AGAP1: variants seen among roughly 807,000 people sequenced by gnomAD.
The protein encoded by AGAP1 is ArfGAP with GTPase domain, ankyrin repeat and PH domain 1.
In AGAP1, 29 loss-of-function variants were observed where a neutral mutation model predicts 105.3. That is an observed-to-expected ratio of 0.28 (90% CI 0.21 to 0.38). AGAP1 has a LOEUF of 0.38. Among genes scored for constraint, AGAP1 ranks in the 10% least tolerant of loss-of-function variants. AGAP1 has a pLI of 1.00. For missense variants in AGAP1, 998 were observed against 1,165.1 expected (o/e 0.86, Z 2.09); for synonymous variants, 509 against 485.9 (o/e 1.05, Z -0.63).
At chr2:235,687,679 A>G (rs1437427990) in intron 1 of AGAP1, among the ~76,000 whole-genome samples, 1 of 152,170 alleles carries the variant, frequency 6.6e-6, no homozygotes, top group African/African-American at 2.4e-5. Context: ...ATACACAGGA[A>G]TGCAGGAATG....
At position 236,083,124 on chromosome 2, in the gene AGAP1, C is replaced by A. The variant is rs1296782388; in HGVS notation, c.2114+33843C>A. On this transcript the variant is annotated intron_variant, in intron 16 of 17. Transcript: ENST00000304032. This position sits in a 1 kb window ranked among gnomAD's most constrained non-coding sequence, Gnocchi z 5.3. ...GAGCCGAGATCACGCCATTGCACTC[C>A]AGCCTAGGCAACGAGCGAAATTCCA... Among the ~76,000 whole-genome samples the A allele has an allele frequency of 6.6e-6, 1 of 152,030 alleles. No individual in the cohort carries two copies. Among genetic ancestry groups the A allele is most frequent in the African/African-American group, 2.4e-5 (1 of 41,394 alleles).
At chr2:236,018,292 G>A (rs1247171833) in intron 13 of AGAP1, among the ~76,000 whole-genome samples, 3 of 152,194 alleles carry the variant, frequency 2.0e-5, no homozygotes, top group African/African-American at 4.8e-5. Context: ...GGGAGAATAA[G>A]ATCTAAATAC....
chr2:235,666,842 C>T (rs1301645799), intron 1 of AGAP1, among the ~76,000 whole-genome samples: 2 of 152,002 alleles, frequency 1.3e-5, no homozygotes, highest in Admixed American at 6.6e-5. Context: ...TAATTATGGA[C>T]AAGCTACTTT....
Position 236,003,789 on chromosome 2 carries a change from T to G in AGAP1, c.1646-32772T>G. Among the ~76,000 whole-genome samples the G allele has an allele frequency of 6.6e-6, 1 of 152,038 alleles. No individual in the cohort carries two copies. Among genetic ancestry groups the G allele is most frequent in the East Asian group, 1.9e-4 (1 of 5,190 alleles). ...AGGGGTCACTGCTGTCCTACCACTT[T>G]TTTTTTTTTCTGGAAGTTTGCATGT... On this transcript the variant is annotated intron_variant, in intron 13 of 17. Coordinates refer to ENST00000304032, the MANE Select transcript of AGAP1 (RefSeq NM_001037131.3). The surrounding 1 kb of genome is among the most constrained non-coding windows in gnomAD (Gnocchi z 4.2).
rs2059847863 is a variant in AGAP1 at position 236,119,391 on chromosome 2, G to A, written c.2115-801G>A. ...CAAGTATCTGGAGATTCCAAAAGCT[G>A]CATCTCCCTGCTAAACCTCCTCATT... On this transcript the variant is annotated intron_variant, in intron 16 of 17. Coordinates refer to ENST00000304032, the MANE Select transcript of AGAP1 (RefSeq NM_001037131.3). This position sits in a 1 kb window ranked among gnomAD's most constrained non-coding sequence, Gnocchi z 6.6. Among the ~76,000 whole-genome samples, 1 of 152,172 alleles carries A rather than the reference G, an allele frequency of 6.6e-6. No homozygotes were observed. Among genetic ancestry groups the A allele is most frequent in the African/African-American group, 2.4e-5 (1 of 41,444 alleles).
chr2:235,511,470 G>A (rs934819178), intron 1 of AGAP1, among the ~76,000 whole-genome samples: 4 of 152,060 alleles, frequency 2.6e-5, no homozygotes, highest in African/African-American at 9.7e-5. Flanking sequence ...CTTCTCTGTG[G>A]GGATGTGACT....
chr2:236,051,918 C>T lies in AGAP1; in HGVS notation c.2114+2637C>T, dbSNP rs1047872267. Among the ~76,000 whole-genome samples the T allele has an allele frequency of 6.6e-6, 1 of 152,152 alleles. No homozygotes were observed. The highest frequency in any genetic ancestry group is 1.5e-5 in the Non-Finnish European group (1 of 68,028). On this transcript the variant is annotated intron_variant, in intron 16 of 17. Transcript: ENST00000304032. This position sits in a 1 kb window ranked among gnomAD's most constrained non-coding sequence, Gnocchi z 5.9. ...ATTCAGACTCCCACCACCTTCACCA[C>T]CTCCTGCACGTCCCCTCAATAGAAA... is the stretch of plus-strand genomic sequence containing the variant.
Position 236,119,200 on chromosome 2 carries a change from A to G in AGAP1, c.2115-992A>G, listed in dbSNP as rs1314886525. On this transcript the variant is annotated intron_variant, in intron 16 of 17. Transcript: ENST00000304032. The surrounding 1 kb of genome is among the most constrained non-coding windows in gnomAD (Gnocchi z 6.6). Reference sequence around the variant, plus strand: ...CAGGCATCAGCATCATCCACTCTCCACACCTCCGACCCCATCCACCCCCTC... The same window carrying G: ...CAGGCATCAGCATCATCCACTCTCCGCACCTCCGACCCCATCCACCCCCTC... Among the ~76,000 whole-genome samples, 1 of 151,616 alleles carries G rather than the reference A, an allele frequency of 6.6e-6. No homozygotes were observed. The highest frequency in any genetic ancestry group is 1.5e-5 in the Non-Finnish European group (1 of 67,910).
intron 16 of AGAP1, among the ~76,000 whole-genome samples, chr2:236,103,017 C>T (rs2059398846): frequency 7.4e-6 from 1 of 135,006 alleles, no homozygotes. Flanking sequence ...CACCCCCCAC[C>T]CCCAGGCCTG....
At chr2:235,985,058 C>T (rs2055255742) in intron 13 of AGAP1, among the ~76,000 whole-genome samples, 1 of 152,188 alleles carries the variant, frequency 6.6e-6, no homozygotes, top group South Asian at 2.1e-4. Context: ...AACTAATTTA[C>T]ATTCCCACCA....
At chr2:236,043,195 G>C (rs1199995464) in intron 15 of AGAP1, among the ~76,000 whole-genome samples, 1 of 152,202 alleles carries the variant, frequency 6.6e-6, no homozygotes, top group Non-Finnish European at 1.5e-5. Flanking sequence ...ACACCTCCAT[G>C]GGGCCTTTCG....
intron 1 of AGAP1, chr2:235,670,592 C>T: frequency 1.8e-6 from 1 of 550,434 alleles, no homozygotes; most frequent in Non-Finnish European, 3.2e-6. Context: ...TGAGGCGCCG[C>T]AAGGCCGGAC....
intron 13 of AGAP1, among the ~76,000 whole-genome samples, chr2:235,978,121 T>A (rs1419311021): frequency 1.3e-5 from 2 of 152,182 alleles, no homozygotes; most frequent in African/African-American, 4.8e-5. Context: ...TGGCCTCATC[T>A]AACCCTCATC....
intron 1 of AGAP1, among the ~76,000 whole-genome samples, chr2:235,686,589 G>A (rs867257081): frequency 6.9e-5 from 6 of 86,946 alleles, no homozygotes; most frequent in African/African-American, 2.0e-4. Flanking sequence ...ACACACACAC[G>A]TGTGTGTGTA....
intron 9 of AGAP1, among the ~76,000 whole-genome samples, chr2:235,857,270 G>A (rs1297951826): frequency 2.0e-5 from 3 of 152,158 alleles, no homozygotes; most frequent in Admixed American, 6.5e-5. Flanking sequence ...GATCTAGGAC[G>A]CACACTCCTT....
rs976063169 is a variant in AGAP1 at position 236,104,309 on chromosome 2, C to T, written c.2115-15883C>T. ...CAAGGCAGTCCAGCCTCCAGCACTC[C>T]ATCCTGTTCCATCCCCAGTGCCCTC... On this transcript the variant is annotated intron_variant, in intron 16 of 17. Transcript: ENST00000304032. The surrounding 1 kb of genome is among the most constrained non-coding windows in gnomAD (Gnocchi z 4.7). 3.9e-5 allele frequency among the ~76,000 whole-genome samples: 6 copies of T among 152,244 alleles called. No individual in the cohort carries two copies. Among genetic ancestry groups the T allele is most frequent in the Non-Finnish European group, 8.8e-5 (6 of 68,038 alleles).
intron 13 of AGAP1, among the ~76,000 whole-genome samples, chr2:235,995,734 A>G (rs144687505): frequency 6.6e-6 from 1 of 152,146 alleles, no homozygotes; most frequent in African/African-American, 2.4e-5. Context: ...TGAGGATTCC[A>G]TCTCTCTGTC....
At position 235,600,060 on chromosome 2, in the gene AGAP1, C is replaced by T. The variant is rs1945677494; in HGVS notation, c.163+105211C>T. 6.6e-6 allele frequency among the ~76,000 whole-genome samples: 1 copy of T among 152,196 alleles called. No individual in the cohort carries two copies. Among genetic ancestry groups the T allele is most frequent in the Admixed American group, 6.5e-5 (1 of 15,276 alleles). Reference sequence around the variant, plus strand: ...GGTGTCAACTTCAGGGGAATATAAACAGCCTCCAGGGAGCCCCTCTCTCCA... The same window carrying T: ...GGTGTCAACTTCAGGGGAATATAAATAGCCTCCAGGGAGCCCCTCTCTCCA... On this transcript the variant is annotated intron_variant, in intron 1 of 17. Transcript: ENST00000304032. The surrounding 1 kb of genome is among the most constrained non-coding windows in gnomAD (Gnocchi z 4.8).
At chr2:236,077,323 CTT>C (rs552986627) in intron 16 of AGAP1, among the ~76,000 whole-genome samples, 14 of 136,502 alleles carry the variant, frequency 1.0e-4, no homozygotes, top group Admixed American at 1.5e-4. Flanking sequence ...ATGTATGTCT[CTT>C]TTTTTTTTTT....
Sources: gnomAD v4.1 joint callset for allele counts (sites outside exome capture counted in the v4.1 genomes callset) on GRCh38, gnomAD v4.1.1 for gene constraint, Gnocchi (gnomAD v3.1) non-coding constraint, MANE v1.5 for transcripts, NCBI Gene and HGNC (gene_info 2026-07-23, HGNC 2026-07-21) for gene names.